Variants in ALS2 observed in about 807,000 individuals in gnomAD.
ALS2 encodes alsin.
A neutral mutation model predicts 203.4 loss-of-function variants in ALS2; 117 were observed. The observed-to-expected ratio is 0.58, with a 90% CI of 0.50 to 0.67. ALS2 has a LOEUF of 0.67. ALS2 is among the 30% of genes least tolerant of loss of function. The probability of loss-of-function intolerance (pLI) is 0.00; values close to 1 mark genes in which losing one functional copy is unlikely to be tolerated. For synonymous variants in ALS2, 718 were observed against 725.9 expected, an observed-to-expected ratio of 0.99 and a Z score of 0.17; for missense variants, 1,715 against 1,989.4, an observed-to-expected ratio of 0.86 and a Z score of 2.62.
chr2:201,763,587 C>T (rs959521206), intron 3 of ALS2: 19 of 261,224 alleles, frequency 7.3e-5, no homozygotes, highest in Non-Finnish European at 8.0e-5. Context: ...GGTTTTTATA[C>T]AAGAAAAATA....
In ALS2 at chr2:201,733,274, A is replaced by C; in HGVS notation, c.2580+2T>G. On this transcript the variant is annotated splice_donor_variant, in intron 13 of 33. Transcript: ENST00000264276. LOFTEE classifies it high-confidence loss of function. ...TCCAAAGAGGTATACATGGGAGCTT[A>C]CCACTTCAAAACAAGTAGCAAGCTT... 6.2e-7 allele frequency: 1 copy of C among 1,613,748 alleles called. No homozygotes were observed. Among genetic ancestry groups the C allele is most frequent in the Non-Finnish European group, 8.5e-7 (1 of 1,179,806 alleles).
At chr2:201,730,022 T>C (rs1691459672) in intron 13 of ALS2, among the ~76,000 whole-genome samples, 1 of 152,232 alleles carries the variant, frequency 6.6e-6, no homozygotes, top group African/African-American at 2.4e-5. Flanking sequence ...CTGTTATATG[T>C]TGTTTGGTTA....
At position 201,729,188 on chromosome 2, in the gene ALS2, A is replaced by G. The variant is rs1171928153; in HGVS notation, c.2581-5T>C. 2 of 1,613,506 alleles carry G rather than the reference A, an allele frequency of 1.2e-6. No homozygotes were observed. Among genetic ancestry groups the G allele is most frequent in the Non-Finnish European group, 1.7e-6 (2 of 1,179,720 alleles). Reference sequence around the variant, plus strand: ...TTTCTGATATTCTGGAGATGCCTACAGGGCAAAAATTAAAGAGGAAAAAAA... The same window carrying G: ...TTTCTGATATTCTGGAGATGCCTACGGGGCAAAAATTAAAGAGGAAAAAAA... On this transcript the variant is annotated splice_polypyrimidine_tract_variant and splice_region_variant and intron_variant, in intron 13 of 33. Coordinates refer to ENST00000264276, the MANE Select transcript of ALS2 (RefSeq NM_020919.4).
intron 1 of ALS2, among the ~76,000 whole-genome samples, chr2:201,779,436 T>C (rs1276910547): frequency 1.3e-5 from 2 of 152,224 alleles, no homozygotes; most frequent in Non-Finnish European, 2.9e-5. Context: ...TCTGTCAGTA[T>C]CTTTTTCACA....
At position 201,705,240 on chromosome 2, in the gene ALS2, T is replaced by C. The variant is rs116564093; in HGVS notation, c.4627-40A>G. Reference sequence around the variant, plus strand: ...GTGAAGGTCAAGGAGGAAAACTATTTTCTGCAACAACAGAAATAAATGATA... The same window carrying C: ...GTGAAGGTCAAGGAGGAAAACTATTCTCTGCAACAACAGAAATAAATGATA... On this transcript the variant is annotated intron_variant, in intron 30 of 33. Coordinates refer to ENST00000264276, the MANE Select transcript of ALS2 (RefSeq NM_020919.4). 2,511 of 1,591,160 alleles carry C rather than the reference T, an allele frequency of 1.6e-3. 26 individuals are homozygous for C. The African/African-American group carries it at 0.023, about 14-fold the overall frequency.
At position 201,771,929 on chromosome 2, in the gene ALS2, A is replaced by T. The variant is rs116031943; in HGVS notation, c.-60-2984T>A. On this transcript the variant is annotated intron_variant, in intron 1 of 33. Coordinates refer to ENST00000264276, the MANE Select transcript of ALS2 (RefSeq NM_020919.4). ...AGAAGCCATGTGATGTTGCATAAAC[A>T]GCATTTACTGTGGGACCCTCTCTTA... 7.6e-3 allele frequency among the ~76,000 whole-genome samples: 1,156 copies of T among 152,326 alleles called. 13 individuals are homozygous for T. Among genetic ancestry groups the T allele is most frequent in the African/African-American group, 0.027 (1,103 of 41,560 alleles).
chr2:201,711,626 A>G (rs1690029241), intron 25 of ALS2, among the ~76,000 whole-genome samples: 1 of 152,230 alleles, frequency 6.6e-6, no homozygotes, highest in African/African-American at 2.4e-5. Flanking sequence ...AACAGGTGAC[A>G]ATGTAAGCAC....
At chr2:201,773,739 G>C (rs1300250511) in intron 1 of ALS2, among the ~76,000 whole-genome samples, 1 of 152,198 alleles carries the variant, frequency 6.6e-6, no homozygotes, top group Admixed American at 6.5e-5. Context: ...TATGGAAAGA[G>C]AAAGGAAAGC....
Position 201,729,176 on chromosome 2 carries a change from G to A in ALS2, c.2588C>T (p.Pro863Leu). The change falls in exon 14 of 34, where the codon CCA becomes CTA. Residue 863 changes from proline (P) to leucine (L), a missense_variant. By Grantham distance (98) the Pro-to-Leu change is moderately conservative. This residue lies in a region of ALS2 where 1,227 missense variants were observed against 1,413.5 expected (regional missense o/e 0.87). Transcript: ENST00000264276. ...GGAATCCTGCAGTTTCTGATATTCT[G>A]GAGATGCCTACAGGGCAAAAATTAA... ...KLATCFEVAS[P>L]EYQKLQDSSS... 1 of 1,613,500 alleles carries A rather than the reference G, an allele frequency of 6.2e-7. No individual in the cohort carries two copies.
At position 201,702,824 on chromosome 2, in the gene ALS2, G is replaced by A. The variant is rs528583987; in HGVS notation, c.4936-935C>T. ...CCTTTTCAGTTTATTTAATAGAAGT[G>A]TTAATGGTAGGCCAGGTGCAGTGGC... On this transcript the variant is annotated intron_variant, in intron 33 of 33. Coordinates refer to ENST00000264276, the MANE Select transcript of ALS2 (RefSeq NM_020919.4). 2.4e-4 allele frequency among the ~76,000 whole-genome samples: 36 copies of A among 152,284 alleles called. 1 individual carries two copies. In the South Asian group the frequency reaches 7.5e-3, roughly 32 times the overall value.
chr2:201,704,205 C>T lies in ALS2; in HGVS notation c.4852G>A (p.Gly1618Ser). The T allele has an allele frequency of 6.2e-7, 1 of 1,613,898 alleles. No individual in the cohort carries two copies. The highest frequency in any genetic ancestry group is 8.5e-7 in the Non-Finnish European group (1 of 1,179,838). The change falls in exon 33 of 34, where the codon GGC becomes AGC. Residue 1618 changes from glycine to serine, a missense_variant. Transcript: ENST00000264276. ...TCCTCAATGAGGTGTACCTCAGAGCCTAAATTCCTAATCCTGCCCCAGAGA... is the reference window on the plus strand; with the variant it reads ...TCCTCAATGAGGTGTACCTCAGAGCTTAAATTCCTAATCCTGCCCCAGAGA... ...VVLRARIRNL[G>S]SEVHLIEDLM...
In ALS2 at chr2:201,723,317, A is replaced by G; in HGVS notation, c.3624+13T>C. 6.3e-7 allele frequency: 1 copy of G among 1,588,492 alleles called. No homozygotes were observed. Among genetic ancestry groups the G allele is most frequent in the East Asian group, 2.2e-5 (1 of 44,712 alleles). Reference sequence around the variant, plus strand: ...AAAAGTTAGTAATAACTACATGCAAATATTCCACTCACCATCATTTTATTA... The same window carrying G: ...AAAAGTTAGTAATAACTACATGCAAGTATTCCACTCACCATCATTTTATTA... On this transcript the variant is annotated intron_variant, in intron 22 of 33. Transcript: ENST00000264276.
Position 201,725,361 on chromosome 2 carries a change from G to T in ALS2, c.3342C>A (p.Val1114=). 6.2e-7 allele frequency: 1 copy of T among 1,612,816 alleles called. No individual in the cohort carries two copies. The highest frequency in any genetic ancestry group is 8.5e-7 in the Non-Finnish European group (1 of 1,178,920). ...AACAGCCTTTCCAATGTTACCTGTAGACTCCTTGACCGCACATTTTTCCTT... is the reference window on the plus strand; with the variant it reads ...AACAGCCTTTCCAATGTTACCTGTATACTCCTTGACCGCACATTTTTCCTT... ...WKEGKMCGQG[V]YSYASGEVFE... The change falls in exon 20 of 34, where the codon GTC becomes GTA. Residue 1114 remains valine (V), a synonymous_variant. Coordinates refer to ENST00000264276, the MANE Select transcript of ALS2 (RefSeq NM_020919.4).
chr2:201,707,864 T>A lies in ALS2; in HGVS notation c.4403+5A>T, dbSNP rs766580828. 7.4e-6 allele frequency: 12 copies of A among 1,612,636 alleles called. No individual in the cohort carries two copies. Among genetic ancestry groups the A allele is most frequent in the Non-Finnish European group, 1.0e-5 (12 of 1,179,178 alleles). On this transcript the variant is annotated splice_donor_5th_base_variant and intron_variant, in intron 28 of 33. Transcript: ENST00000264276. The stretch of plus-strand genomic sequence containing the variant: ...TCTTCACTGTCCCCACCCAACTCCA[T>A]TTACCCTGGCTCTGGTGATTCAGAT...
chr2:201,729,799 T>A (rs1369516883), intron 13 of ALS2, among the ~76,000 whole-genome samples: 1 of 139,858 alleles, frequency 7.2e-6, no homozygotes, highest in African/African-American at 2.7e-5. Flanking sequence ...GAGAATGGCG[T>A]GAACCCGGGA....
intron 7 of ALS2, among the ~76,000 whole-genome samples, chr2:201,751,877 C>T (rs1161473021): frequency 6.6e-6 from 1 of 152,146 alleles, no homozygotes; most frequent in Non-Finnish European, 1.5e-5. Context: ...ACATTTACTA[C>T]ATTTACCGGA....
chr2:201,725,315 A>G, intron 20 of ALS2, 41 bp downstream of exon 20: 1 of 1,532,182 alleles, frequency 6.5e-7, no homozygotes, highest in South Asian at 1.1e-5. Context: ...ACATGGTTAT[A>G]TGAAAAACAA....
At chr2:201,779,970 G>GT (rs1309058844) in intron 1 of ALS2, 2 of 152,338 alleles carry the variant, frequency 1.3e-5, no homozygotes, top group Non-Finnish European at 2.9e-5. Flanking sequence ...GTTTGCTGAA[G>GT]TTTTGTACCT....
At chr2:201,761,888 A>C in intron 3 of ALS2, 70 bp from the exon 4 acceptor site, 1 of 1,514,100 alleles carries the variant, frequency 6.6e-7, no homozygotes, top group Non-Finnish European at 9.0e-7. Context: ...TTAACAGCAA[A>C]CTTTTAGTCC....
Sources: allele counts gnomAD v4.1 joint callset (sites outside exome capture counted in the v4.1 genomes callset), GRCh38; gene constraint gnomAD v4.1.1; regional missense constraint gnomAD v4.1.1; transcripts MANE v1.5; gene names NCBI Gene and HGNC (gene_info 2026-07-23, HGNC 2026-07-21).